Variants in TAS2R1 observed in about 807,000 individuals in gnomAD.
The protein encoded by TAS2R1 is taste receptor type 2 member 1.
For synonymous variants in TAS2R1, 141 were observed against 134.2 expected (o/e 1.05, Z -0.35); for missense variants, 370 against 353.4 (o/e 1.05, Z -0.38).
At chr5:9,704,576 G>T (rs1402523131) in intron 1 of TAS2R1, among the ~76,000 whole-genome samples, 1 of 152,012 alleles carries the variant, frequency 6.6e-6, no homozygotes, top group Non-Finnish European at 1.5e-5. Context: ...GAAACATACA[G>T]ATTTCAAAAA....
intron 1 of TAS2R1, among the ~76,000 whole-genome samples, chr5:9,690,079 G>A (rs1369801964): frequency 6.6e-6 from 1 of 152,134 alleles, no homozygotes; most frequent in African/African-American, 2.4e-5. Flanking sequence ...TCTAGCATTG[G>A]AAATTATTTT....
intron 1 of TAS2R1, among the ~76,000 whole-genome samples, chr5:9,697,312 C>T (rs1741381224): frequency 1.3e-5 from 2 of 151,932 alleles, no homozygotes; most frequent in South Asian, 4.2e-4. Flanking sequence ...GATATCTAGG[C>T]TTTAGAGGTA....
intron 1 of TAS2R1, among the ~76,000 whole-genome samples, chr5:9,690,911 T>C (rs41492): frequency 0.33 from 49,663 of 151,900 alleles, 9,269 homozygotes; most frequent in Non-Finnish European, 0.43. Flanking sequence ...CACTCTGACA[T>C]AGATCTGAAC....
chr5:9,865,067 C>T, the TAS2R1 span, among the ~76,000 whole-genome samples: 194 of 152,212 alleles, frequency 1.3e-3, 1 homozygote, highest in African/African-American at 4.5e-3. Flanking sequence ...AGGAGTTGGA[C>T]CAGAGATAAG....
chr5:9,755,638 T>C, the TAS2R1 span, among the ~76,000 whole-genome samples: 4 of 150,674 alleles, frequency 2.7e-5, no homozygotes, highest in East Asian at 7.8e-4. Context: ...AAAGAATGGC[T>C]ATTCCATTGA....
the TAS2R1 span, among the ~76,000 whole-genome samples, chr5:9,733,832 G>GA: frequency 5.4e-4 from 78 of 145,006 alleles, no homozygotes; most frequent in Non-Finnish European, 8.9e-4. Flanking sequence ...CCTCCGAAAA[G>GA]AAAAAAAAAA....
chr5:9,638,074 C>T (rs938957072), intron 2 of TAS2R1, among the ~76,000 whole-genome samples: 2 of 152,182 alleles, frequency 1.3e-5, no homozygotes, highest in Admixed American at 6.5e-5. Flanking sequence ...AGGTCTAAAA[C>T]TCAAGGCCTG....
At chr5:9,851,979 C>G in the TAS2R1 span, among the ~76,000 whole-genome samples, 1 of 152,216 alleles carries the variant, frequency 6.6e-6, no homozygotes, top group South Asian at 2.1e-4. Flanking sequence ...ATTAATATGG[C>G]TCAGAGACAT....
the TAS2R1 span, among the ~76,000 whole-genome samples, chr5:9,724,627 C>T: frequency 6.6e-6 from 1 of 152,078 alleles, no homozygotes; most frequent in East Asian, 1.9e-4. Context: ...GTGCAGATTA[C>T]GGTAATAACT....
In TAS2R1 at chr5:9,681,531, C is replaced by CAAAAAAAAAAAA. The variant is rs10681888; in HGVS notation, c.-241-21962_-241-21951dup. 2.1e-3 allele frequency among the ~76,000 whole-genome samples: 181 copies of CAAAAAAAAAAAA among 87,854 alleles called. 10 individuals carry two copies. Among genetic ancestry groups the CAAAAAAAAAAAA allele is most frequent in the Admixed American group, 2.8e-3 (18 of 6,372 alleles). The allele number at this position is 87,854 out of a possible 152,430, so 57.6% of individuals were successfully genotyped here. On this transcript the variant is annotated intron_variant, in intron 1 of 2. Transcript: ENST00000506620. ...TTTCAGGGGACTTCTCATGTTTCTGCAAAAAAAAAAAAAAAAAAAGATGCC... is the reference window on the plus strand; with the variant it reads ...TTTCAGGGGACTTCTCATGTTTCTGCAAAAAAAAAAAAAAAAAAAAAAAAAAAAAAAGATGCC...
the TAS2R1 span, among the ~76,000 whole-genome samples, chr5:9,774,490 T>C: frequency 8.5e-5 from 13 of 152,242 alleles, no homozygotes; most frequent in Non-Finnish European, 1.3e-4. Context: ...TTGTGGATGT[T>C]TGTCAATGTC....
chr5:9,769,968 T>C, the TAS2R1 span, among the ~76,000 whole-genome samples: 2 of 152,166 alleles, frequency 1.3e-5, no homozygotes, highest in African/African-American at 4.8e-5. Flanking sequence ...CTTGTGGAGT[T>C]TTACTCAAGA....
upstream of TAS2R1, among the ~76,000 whole-genome samples, chr5:9,712,731 G>A (rs1734712548): frequency 6.6e-6 from 1 of 152,172 alleles, no homozygotes; most frequent in Non-Finnish European, 1.5e-5. Flanking sequence ...TCTAGCACGT[G>A]CGCTGTCTCT....
At chr5:9,883,902 A>G in the TAS2R1 span, 1 of 152,200 alleles carries the variant, frequency 6.6e-6, no homozygotes, top group Non-Finnish European at 1.5e-5. Flanking sequence ...TTTATAATGA[A>G]TAGAACTTTG....
At chr5:9,849,342 C>T in the TAS2R1 span, among the ~76,000 whole-genome samples, 24 of 152,384 alleles carry the variant, frequency 1.6e-4, no homozygotes, top group South Asian at 5.0e-3. Context: ...TTCACACACA[C>T]AGTTCAAATG....
chr5:9,841,370 T>G, the TAS2R1 span, among the ~76,000 whole-genome samples: 2 of 152,102 alleles, frequency 1.3e-5, no homozygotes, highest in African/African-American at 4.8e-5. Context: ...ATATTTCACA[T>G]GTTTCTTTAC....
chr5:9,865,175 G>T, the TAS2R1 span, among the ~76,000 whole-genome samples: 1 of 152,186 alleles, frequency 6.6e-6, no homozygotes, highest in Non-Finnish European at 1.5e-5. Context: ...GGGTGTGGCT[G>T]CAGTCTTTCA....
chr5:9,654,521 T>C (rs908455533), intron 2 of TAS2R1, among the ~76,000 whole-genome samples: 9 of 152,122 alleles, frequency 5.9e-5, no homozygotes, highest in South Asian at 2.1e-4. Context: ...CACCTAAGTG[T>C]ATTATGAAGC....
At chr5:9,757,811 G>A in the TAS2R1 span, among the ~76,000 whole-genome samples, 1 of 152,158 alleles carries the variant, frequency 6.6e-6, no homozygotes, top group African/African-American at 2.4e-5. Flanking sequence ...CAATTTAGTT[G>A]AACACAAATT....
Sources: gnomAD v4.1 joint callset for allele counts (sites outside exome capture counted in the v4.1 genomes callset) on GRCh38, gnomAD v4.1.1 for gene constraint, MANE v1.5 for transcripts, NCBI Gene and HGNC (gene_info 2026-07-23, HGNC 2026-07-21) for gene names.